ETV6: variants seen among roughly 807,000 people sequenced by gnomAD.
The protein encoded by ETV6 is ETS variant transcription factor 6.
Under a neutral mutation model 51.1 loss-of-function variants are expected in ETV6, and 16 were observed. That is an observed-to-expected ratio of 0.31 (90% confidence interval 0.21 to 0.48). The LOEUF is 0.48. Ranked by LOEUF, ETV6 falls within the 20% of genes least tolerant of loss-of-function variation. ETV6 has a pLI of 0.99. For missense variants in ETV6, 458 were observed against 594.8 expected, an observed-to-expected ratio of 0.77 and a Z score of 2.39; for synonymous variants, 240 against 224.1, an observed-to-expected ratio of 1.07 and a Z score of -0.64.
At chr12:11,736,865 C>T (rs956774269) in intron 1 of ETV6, among the ~76,000 whole-genome samples, 1 of 152,184 alleles carries the variant, frequency 6.6e-6, no homozygotes. Context: ...TGTGTTGGCA[C>T]TAGAAATACT....
Position 11,662,184 on chromosome 12 carries a change from T to C in ETV6, c.33+12024T>C, listed in dbSNP as rs531514556. 1.3e-4 allele frequency among the ~76,000 whole-genome samples: 20 copies of C among 152,316 alleles called. No individual in the cohort carries two copies. In the East Asian group the frequency reaches 2.3e-3, roughly 18 times the overall value. On this transcript the variant is annotated intron_variant, in intron 1 of 7. Coordinates refer to ENST00000396373, the MANE Select transcript of ETV6 (RefSeq NM_001987.5). ...CACTGACATAGACAGCAAGTATATT[T>C]ACTTATCTTTTGGGTGCAAGGCAGT...
At chr12:11,854,946 T>G (rs938192285) in intron 4 of ETV6, among the ~76,000 whole-genome samples, 2 of 152,010 alleles carry the variant, frequency 1.3e-5, no homozygotes, top group African/African-American at 4.8e-5. Context: ...AGAATTTAAT[T>G]TAGGCCCTGG....
At chr12:11,750,412 C>T (rs1452921316) in intron 1 of ETV6, among the ~76,000 whole-genome samples, 1 of 152,130 alleles carries the variant, frequency 6.6e-6, no homozygotes, top group Non-Finnish European at 1.5e-5. Context: ...GGGGATGAGG[C>T]GGCCTCACTC....
intron 2 of ETV6, among the ~76,000 whole-genome samples, chr12:11,757,976 A>G (rs1368293668): frequency 6.6e-6 from 1 of 152,098 alleles, no homozygotes; most frequent in East Asian, 1.9e-4. Context: ...ATTTCTCCCT[A>G]CAACCAGAAT....
At chr12:11,832,858 C>T (rs1027898237) in intron 2 of ETV6, among the ~76,000 whole-genome samples, 6 of 152,280 alleles carry the variant, frequency 3.9e-5, no homozygotes, top group East Asian at 3.9e-4. Flanking sequence ...GATCAGTATC[C>T]GTCCAAAAGG....
chr12:11,683,031 G>A (rs542349949), intron 1 of ETV6, among the ~76,000 whole-genome samples: 1 of 152,298 alleles, frequency 6.6e-6, no homozygotes, highest in South Asian at 2.1e-4. Context: ...TCCTCCTTGA[G>A]TAGATTCAAT....
At chr12:11,759,161 CTT>C (rs5796461) in intron 2 of ETV6, among the ~76,000 whole-genome samples, 3 of 148,808 alleles carry the variant, frequency 2.0e-5, no homozygotes, top group Admixed American at 6.7e-5. Context: ...TTATAGATGT[CTT>C]TTTTTTTTTA....
rs543766208 is a variant in ETV6, at chr12:11,892,898, C to T, written c.*1852C>T. The T allele has an allele frequency of 4.3e-6, 1 of 233,032 alleles. No individual in the cohort carries two copies. The highest frequency in any genetic ancestry group is 5.6e-5 in the Admixed American group (1 of 17,778). The allele number at this position is 233,032 out of a possible 1,614,324, so 14.4% of individuals were successfully genotyped here. On this transcript the variant is annotated 3_prime_UTR_variant, in exon 8 of 8. Coordinates refer to ENST00000396373, the MANE Select transcript of ETV6 (RefSeq NM_001987.5). ...TGGAATTGAGGAGCTGATCAAGGCT[C>T]TCTTCAGCCTTGCTCTGTCCCTGCC...
chr12:11,836,581 C>G (rs572093455), intron 2 of ETV6, among the ~76,000 whole-genome samples: 1 of 152,064 alleles, frequency 6.6e-6, no homozygotes, highest in Non-Finnish European at 1.5e-5. Context: ...TGTGCTTAAC[C>G]GGCAGAGCTG....
chr12:11,844,759 CAA>C (rs527793372), intron 3 of ETV6, among the ~76,000 whole-genome samples: 26 of 88,434 alleles, frequency 2.9e-4, no homozygotes, highest in African/African-American at 2.4e-4. Flanking sequence ...TTGAGCAAGC[CAA>C]AAAAAAAAAA....
intron 1 of ETV6, among the ~76,000 whole-genome samples, chr12:11,661,464 C>T (rs557890396): frequency 6.6e-6 from 1 of 152,386 alleles, no homozygotes; most frequent in African/African-American, 2.4e-5. Flanking sequence ...CACTTTGTAC[C>T]TTTTGATCTG....
intron 1 of ETV6, among the ~76,000 whole-genome samples, chr12:11,730,881 G>A (rs534117356): frequency 2.0e-5 from 3 of 152,146 alleles, no homozygotes; most frequent in Non-Finnish European, 1.5e-5. Flanking sequence ...AGAGACACAC[G>A]TTTCCCAAAT....
At chr12:11,833,006 A>G (rs1192470438) in intron 2 of ETV6, among the ~76,000 whole-genome samples, 44 of 152,244 alleles carry the variant, frequency 2.9e-4, no homozygotes, top group Admixed American at 2.9e-3. Context: ...CTAGAAATCG[A>G]TGGAAATCTG....
intron 1 of ETV6, among the ~76,000 whole-genome samples, chr12:11,684,192 A>G (rs1372607679): frequency 6.6e-6 from 1 of 152,264 alleles, no homozygotes; most frequent in African/African-American, 2.4e-5. Context: ...AGTTCTTTCA[A>G]TAAATACAAA....
chr12:11,761,800 C>T (rs760594944), intron 2 of ETV6, among the ~76,000 whole-genome samples: 26 of 152,210 alleles, frequency 1.7e-4, no homozygotes, highest in Non-Finnish European at 3.1e-4. Context: ...AGTGAAATGG[C>T]CTGAGTATAT....
At chr12:11,789,157 C>T (rs1420665221) in intron 2 of ETV6, among the ~76,000 whole-genome samples, 2 of 152,024 alleles carry the variant, frequency 1.3e-5, no homozygotes, top group Non-Finnish European at 2.9e-5. Flanking sequence ...CTCAGCCTCC[C>T]GAGTAGCTGG....
Position 11,784,155 on chromosome 12 carries a change from C to T in ETV6, c.163+31576C>T, listed in dbSNP as rs1051253404. Among the ~76,000 whole-genome samples, 12 of 152,310 alleles carry T rather than the reference C, an allele frequency of 7.9e-5. No homozygotes were observed. In the East Asian group the frequency reaches 1.4e-3, roughly 17 times the overall value. ...CTAAACTATCAAGATACAGGCCAGG[C>T]ACAGTGGCTCATGCCTGTAATCCCA... On this transcript the variant is annotated intron_variant, in intron 2 of 7. Coordinates refer to ENST00000396373, the MANE Select transcript of ETV6 (RefSeq NM_001987.5).
intron 2 of ETV6, among the ~76,000 whole-genome samples, chr12:11,793,141 C>T (rs1423267350): frequency 6.6e-6 from 1 of 151,930 alleles, no homozygotes; most frequent in East Asian, 1.9e-4. Context: ...TGACTGATAT[C>T]GGAGCTTTCA....
intron 2 of ETV6, among the ~76,000 whole-genome samples, chr12:11,820,462 A>G (rs1056178397): frequency 1.3e-5 from 2 of 152,208 alleles, no homozygotes; most frequent in African/African-American, 4.8e-5. Flanking sequence ...AGAGAAAACA[A>G]AAATAAGCAA....
Sources: allele counts gnomAD v4.1 joint callset (sites outside exome capture counted in the v4.1 genomes callset), GRCh38; gene constraint gnomAD v4.1.1; transcripts MANE v1.5; gene names NCBI Gene and HGNC (gene_info 2026-07-23, HGNC 2026-07-21).